The following GRIP1 variants were observed in gnomAD, a reference collection of about 807,000 sequenced individuals.
GRIP1 encodes glutamate receptor interacting protein 1, also known as glutamate receptor-interacting protein 1.
Under a neutral mutation model 129.9 loss-of-function variants are expected in GRIP1, and 45 were observed. That is an observed-to-expected ratio of 0.35 (90% CI 0.27 to 0.44). GRIP1 has a LOEUF of 0.44. Ranked by LOEUF, GRIP1 falls within the 20% of genes least tolerant of loss-of-function variation. The pLI is 1.00. For synonymous variants in GRIP1, 530 were observed against 520.8 expected (o/e 1.02, Z -0.24); for missense variants, 1,196 against 1,396.8 (o/e 0.86, Z 2.29).
Position 66,590,658 on chromosome 12 carries a change from C to T in GRIP1, c.136+6189G>A, listed in dbSNP as rs17120637. Among the ~76,000 whole-genome samples, 668 of 152,222 alleles carry T rather than the reference C, an allele frequency of 4.4e-3. 9 individuals are homozygous for T. Among genetic ancestry groups the T allele is most frequent in the African/African-American group, 0.015 (624 of 41,512 alleles). Reference sequence around the variant, plus strand: ...GTCAATTTTATTATTAAATGGTGCTCAACTTTTTCCTAGGGTGTTTTAGGA... The same window carrying T: ...GTCAATTTTATTATTAAATGGTGCTTAACTTTTTCCTAGGGTGTTTTAGGA... On this transcript the variant is annotated intron_variant, in intron 2 of 24. Transcript: ENST00000359742.
intron 2 of GRIP1, among the ~76,000 whole-genome samples, chr12:66,594,014 G>A (rs983114989): frequency 9.7e-5 from 13 of 134,360 alleles, no homozygotes; most frequent in Non-Finnish European, 1.8e-4. Context: ...CTTGCAGTGA[G>A]CCGAGATCGT....
chr12:67,011,832 T>C (rs1309536346), intron 1 of GRIP1, among the ~76,000 whole-genome samples: 1 of 152,194 alleles, frequency 6.6e-6, no homozygotes, highest in Non-Finnish European at 1.5e-5. Context: ...GGCCAGACAG[T>C]AAATATTTTA....
intron 1 of GRIP1, among the ~76,000 whole-genome samples, chr12:67,019,565 T>C (rs143484871): frequency 2.6e-3 from 394 of 152,282 alleles, no homozygotes; most frequent in Non-Finnish European, 3.8e-3. Context: ...GTTTCTAAGC[T>C]TTACATGAAT....
intron 1 of GRIP1, among the ~76,000 whole-genome samples, chr12:66,618,357 G>T (rs1335014723): frequency 2.6e-5 from 4 of 152,054 alleles, no homozygotes; most frequent in Non-Finnish European, 5.9e-5. Context: ...AGAACATCTG[G>T]AAGAATTCTA....
upstream of GRIP1, among the ~76,000 whole-genome samples, chr12:66,805,166 A>G (rs1330322478): frequency 1.3e-5 from 2 of 152,224 alleles, no homozygotes; most frequent in Non-Finnish European, 2.9e-5. Context: ...TTAAAAAAAC[A>G]TGAAAGTAAA....
intron 2 of GRIP1, among the ~76,000 whole-genome samples, chr12:66,593,764 A>C (rs571224807): frequency 5.4e-4 from 82 of 152,104 alleles, no homozygotes; most frequent in Non-Finnish European, 1.0e-3. Context: ...CAAAAGCCAT[A>C]GCTCTGTTAA....
chr12:66,541,750 G>T, intron 3 of GRIP1, 65 bp downstream of exon 3: 1 of 1,527,008 alleles, frequency 6.5e-7, no homozygotes, highest in Non-Finnish European at 9.1e-7. Context: ...TTTTGATGGA[G>T]CTTTAATTTT....
At chr12:66,983,423 G>A (rs2042266524) in intron 1 of GRIP1, among the ~76,000 whole-genome samples, 2 of 152,034 alleles carry the variant, frequency 1.3e-5, no homozygotes, top group Admixed American at 1.3e-4. Flanking sequence ...AACATTTAAT[G>A]ACAAGACCAG....
At chr12:66,607,725 A>G (rs2064601437) in intron 1 of GRIP1, among the ~76,000 whole-genome samples, 2 of 152,072 alleles carry the variant, frequency 1.3e-5, no homozygotes, top group Non-Finnish European at 2.9e-5. Flanking sequence ...CAATTCTCAG[A>G]CTCAGGAGTA....
intron 1 of GRIP1, among the ~76,000 whole-genome samples, chr12:66,673,661 G>T (rs1592728857): frequency 2.0e-5 from 3 of 152,258 alleles, no homozygotes; most frequent in South Asian, 4.1e-4. Flanking sequence ...GAGTAAAGCG[G>T]TCCAAGCCAC....
At chr12:66,466,121 T>C (rs1417506298) in intron 7 of GRIP1, among the ~76,000 whole-genome samples, 2 of 152,234 alleles carry the variant, frequency 1.3e-5, no homozygotes, top group Non-Finnish European at 2.9e-5. Flanking sequence ...TTCAACTCCT[T>C]CTAACATTTG....
At chr12:66,825,416 C>T (rs1389278451) in intron 1 of GRIP1, among the ~76,000 whole-genome samples, 1 of 152,138 alleles carries the variant, frequency 6.6e-6, no homozygotes, top group Non-Finnish European at 1.5e-5. Flanking sequence ...GCATTAGCTG[C>T]CTTCTCACCA....
At chr12:66,363,496 C>T (rs1039506191) in intron 23 of GRIP1, among the ~76,000 whole-genome samples, 9 of 151,048 alleles carry the variant, frequency 6.0e-5, no homozygotes, top group African/African-American at 2.2e-4. Context: ...AGTGATCCTC[C>T]TGCCTTGGCC....
At chr12:66,609,052 T>G (rs1460089465) in intron 1 of GRIP1, among the ~76,000 whole-genome samples, 3 of 151,786 alleles carry the variant, frequency 2.0e-5, no homozygotes, top group Non-Finnish European at 4.4e-5. Context: ...GAGTAGGGGA[T>G]TTACTTTTAC....
chr12:66,750,603 G>T (rs2037095405), intron 1 of GRIP1, among the ~76,000 whole-genome samples: 1 of 152,128 alleles, frequency 6.6e-6, no homozygotes, highest in Non-Finnish European at 1.5e-5. Flanking sequence ...CCCCTACCTT[G>T]TTCCACTGGT....
intron 13 of GRIP1, among the ~76,000 whole-genome samples, chr12:66,436,137 G>A (rs2058295826): frequency 1.3e-5 from 2 of 152,202 alleles, no homozygotes; most frequent in South Asian, 4.1e-4. Flanking sequence ...CTTTATCTTT[G>A]TTAATGCTAT....
intron 2 of GRIP1, among the ~76,000 whole-genome samples, chr12:66,572,810 C>T (rs1592575010): frequency 6.6e-6 from 1 of 152,180 alleles, no homozygotes; most frequent in African/African-American, 2.4e-5. Context: ...TGGATAATAA[C>T]TCACATTTAT....
At chr12:67,025,730 C>T (rs1384756089) in intron 1 of GRIP1, among the ~76,000 whole-genome samples, 1 of 152,074 alleles carries the variant, frequency 6.6e-6, no homozygotes, top group East Asian at 1.9e-4. Context: ...CGGCGAGGGT[C>T]CTCAGCTAGG....
chr12:66,728,753 G>A (rs975659653), intron 1 of GRIP1, among the ~76,000 whole-genome samples: 3 of 152,078 alleles, frequency 2.0e-5, no homozygotes, highest in Admixed American at 6.6e-5. Flanking sequence ...CTCACAGCCT[G>A]CTCTAAGTCA....
Sources: gnomAD v4.1 joint callset for allele counts (sites outside exome capture counted in the v4.1 genomes callset) on GRCh38, gnomAD v4.1.1 for gene constraint, MANE v1.5 for transcripts, NCBI Gene and HGNC (gene_info 2026-07-23, HGNC 2026-07-21) for gene names.